SELENOI: variants seen among roughly 807,000 people sequenced by gnomAD.
SELENOI encodes selenoprotein I.
SELENOI carries 24 observed loss-of-function variants against 50.7 expected under a neutral mutation model. The ratio of observed to expected loss-of-function variants is 0.47; its 90% confidence interval spans 0.34 to 0.67. The LOEUF is 0.67. SELENOI is among the 30% of genes least tolerant of loss of function. The pLI, the probability that SELENOI is intolerant of heterozygous loss-of-function variation, is 0.01. For synonymous variants in SELENOI, 155 were observed against 170.2 expected, an observed-to-expected ratio of 0.91 and a Z score of 0.70; for missense variants, 352 against 461.4, an observed-to-expected ratio of 0.76 and a Z score of 2.17.
chr2:26,353,541 T>G (rs1639106166), intron 1 of SELENOI, among the ~76,000 whole-genome samples: 1 of 152,250 alleles, frequency 6.6e-6, no homozygotes, highest in Non-Finnish European at 1.5e-5. Context: ...TATCTTTAAT[T>G]GTACCTTTGT....
intron 1 of SELENOI, 131 bp from the exon 2 acceptor site, chr2:26,364,171 C>A: frequency 1.6e-6 from 1 of 619,720 alleles, no homozygotes; most frequent in Non-Finnish European, 2.8e-6. Flanking sequence ...CAGGCCTCAG[C>A]CTTTTGAGTA....
intron 1 of SELENOI, among the ~76,000 whole-genome samples, chr2:26,362,273 G>C (rs926030113): frequency 1.3e-5 from 2 of 152,140 alleles, no homozygotes; most frequent in Admixed American, 1.3e-4. Flanking sequence ...GTTTCACCGT[G>C]TTAGCCAGGA....
At chr2:26,383,161 A>C in intron 6 of SELENOI, 138 bp from the exon 7 acceptor site, 1 of 534,038 alleles carries the variant, frequency 1.9e-6, no homozygotes, top group Non-Finnish European at 3.3e-6. Context: ...GTTGTTTATA[A>C]ATGTATTTAA....
intron 4 of SELENOI, among the ~76,000 whole-genome samples, chr2:26,370,095 C>CATT (rs1677382160): frequency 1.3e-5 from 2 of 151,234 alleles, no homozygotes; most frequent in African/African-American, 2.5e-5. Flanking sequence ...ATCTGTTTAA[C>CATT]AAAGCACATC....
In SELENOI at chr2:26,394,919, CAA is replaced by C. The variant is rs1052106284; in HGVS notation, c.*5817_*5818del. Reference sequence around the variant, plus strand: ...GTTGGCTTTCTGTAGTGTTCTGAAACAAGAGGACGATTCCATTCCTTCTCAGG... The same window carrying C: ...GTTGGCTTTCTGTAGTGTTCTGAAACGAGGACGATTCCATTCCTTCTCAGG... On this transcript the variant is annotated 3_prime_UTR_variant, in exon 10 of 10. Transcript: ENST00000260585. The surrounding 1 kb of genome is among the most constrained non-coding windows in gnomAD (Gnocchi z 4.1). 3 of 152,160 alleles carry C rather than the reference CAA, an allele frequency of 2.0e-5. No homozygotes were observed. The highest frequency in any genetic ancestry group is 1.5e-5 in the Non-Finnish European group (1 of 68,042). The allele number at this position is 152,160 out of a possible 1,614,324, so 9.4% of individuals were successfully genotyped here. A position where few individuals can be genotyped will look rare whatever the true frequency, so the allele number is the denominator to read the frequency against.
intron 7 of SELENOI, among the ~76,000 whole-genome samples, chr2:26,383,860 C>T (rs1373558620): frequency 6.6e-6 from 1 of 151,732 alleles, no homozygotes; most frequent in African/African-American, 2.4e-5. Context: ...GGCAACAGAG[C>T]GAGACTCTGT....
rs1265214676 is a variant in SELENOI at position 26,389,098 on chromosome 2, C to T, written c.1189C>T (p.Leu397=). ...AGGAATGGAAGAAAAGAATATTGGC[C>T]TGTAATAATCTTTCTTTGGGCACAA... ...ULGMEEKNIG[L] is the part of the protein sequence containing the mutation. Residue 397 remains leucine (L), a synonymous_variant, in exon 10 of 10, where the codon CTG becomes TTG. Coordinates refer to ENST00000260585, the MANE Select transcript of SELENOI (RefSeq NM_033505.4). 2 of 1,563,196 alleles carry T rather than the reference C, an allele frequency of 1.3e-6. No homozygotes were observed. Among genetic ancestry groups the T allele is most frequent in the East Asian group, 2.3e-5 (1 of 43,036 alleles).
In SELENOI at chr2:26,383,404, G is replaced by T. The variant is rs1677750896; in HGVS notation, c.731+57G>T. On this transcript the variant is annotated intron_variant, in intron 7 of 9. Transcript: ENST00000260585. Reference sequence around the variant, plus strand: ...ATATGAAAAGTTTTAGCAGTTGTTAGCTGAACTTAGGGATCTATTTTCCTT... The same window carrying T: ...ATATGAAAAGTTTTAGCAGTTGTTATCTGAACTTAGGGATCTATTTTCCTT... The T allele has an allele frequency of 6.9e-5, 85 of 1,226,330 alleles. 1 individual carries two copies. The South Asian group carries it at 1.1e-3, about 16-fold the overall frequency. The allele number at this position is 1,226,330 out of a possible 1,614,324, so 76.0% of individuals were successfully genotyped here.
intron 6 of SELENOI, among the ~76,000 whole-genome samples, chr2:26,381,196 G>GTTTTTTT (rs1677688899): frequency 5.2e-5 from 2 of 38,248 alleles, no homozygotes; most frequent in African/African-American, 1.8e-4. Context: ...CTTCAGTTTG[G>GTTTTTTT]TCTTTTTTTT....
chr2:26,353,994 G>A (rs1558410903), intron 1 of SELENOI, among the ~76,000 whole-genome samples: 2 of 152,200 alleles, frequency 1.3e-5, no homozygotes, highest in East Asian at 3.8e-4. Context: ...GAAGCACAAG[G>A]AAGTGGCGGG....
intron 3 of SELENOI, among the ~76,000 whole-genome samples, chr2:26,365,922 G>A (rs972271726): frequency 2.7e-5 from 4 of 150,646 alleles, no homozygotes; most frequent in South Asian, 2.1e-4. Flanking sequence ...CTGCCTCAGC[G>A]TCCTGAGTAG....
At chr2:26,352,396 G>A (rs1676977989) in intron 1 of SELENOI, among the ~76,000 whole-genome samples, 1 of 152,080 alleles carries the variant, frequency 6.6e-6, no homozygotes, top group Non-Finnish European at 1.5e-5. Context: ...GAAGGAGTGG[G>A]GATTCTAAAG....
At chr2:26,370,979 T>C in intron 4 of SELENOI, among the ~76,000 whole-genome samples, 2 of 121,830 alleles carry the variant, frequency 1.6e-5, no homozygotes, top group East Asian at 2.8e-4. Flanking sequence ...GGCGGGGGGC[T>C]GACCCCCCCA....
intron 1 of SELENOI, among the ~76,000 whole-genome samples, chr2:26,361,938 G>C (rs778012594): frequency 1.3e-5 from 2 of 152,032 alleles, no homozygotes; most frequent in Non-Finnish European, 2.9e-5. Context: ...AATTATAGGC[G>C]TGAGCCACGC....
In SELENOI at chr2:26,389,798, C is replaced by G. The variant is rs1411936399; in HGVS notation, c.*695C>G. ...TTATCGCTCACCCATTGGGATGGTT[C>G]ATTGTTTAAATATGGCATTTTCCCC... On this transcript the variant is annotated 3_prime_UTR_variant, in exon 10 of 10. Transcript: ENST00000260585. 1 of 152,036 alleles carries G rather than the reference C, an allele frequency of 6.6e-6. No homozygotes were observed. Among genetic ancestry groups the G allele is most frequent in the Non-Finnish European group, 1.5e-5 (1 of 67,986 alleles). The allele number at this position is 152,036 out of a possible 1,614,324, so 9.4% of individuals were successfully genotyped here. A position where few individuals can be genotyped will look rare whatever the true frequency, so the allele number is the denominator to read the frequency against.
intron 6 of SELENOI, among the ~76,000 whole-genome samples, chr2:26,379,112 A>C (rs571167968): frequency 1.7e-4 from 26 of 152,232 alleles, no homozygotes; most frequent in Admixed American, 1.5e-3. Context: ...TAAAAATACA[A>C]AATTAGCCGG....
intron 6 of SELENOI, 96 bp downstream of exon 6, chr2:26,375,244 CAAAA>C: frequency 1.4e-6 from 1 of 714,876 alleles, no homozygotes; most frequent in Non-Finnish European, 2.3e-6. Flanking sequence ...CTTTGCCTCA[CAAAA>C]CCTCCAGGAA....
At position 26,390,220 on chromosome 2, in the gene SELENOI, C is replaced by T. The variant is rs1263001149; in HGVS notation, c.*1117C>T. 6.6e-6 allele frequency: 1 copy of T among 152,170 alleles called. No homozygotes were observed. The highest frequency in any genetic ancestry group is 2.4e-5 in the African/African-American group (1 of 41,280). 9.4% of individuals were successfully genotyped at this position (152,170 alleles called of 1,614,324 possible). A position where few individuals can be genotyped will look rare whatever the true frequency, so the allele number is the denominator to read the frequency against. On this transcript the variant is annotated 3_prime_UTR_variant, in exon 10 of 10. Coordinates refer to ENST00000260585, the MANE Select transcript of SELENOI (RefSeq NM_033505.4). ...TGGAGTAATTTCTGAGGTTTACTGACAAACATAAAAATCCCTTTAATTGTA... is the reference window on the plus strand; with the variant it reads ...TGGAGTAATTTCTGAGGTTTACTGATAAACATAAAAATCCCTTTAATTGTA...
intron 4 of SELENOI, 125 bp downstream of exon 4, chr2:26,367,345 C>A: frequency 1.5e-6 from 1 of 656,750 alleles, no homozygotes; most frequent in Non-Finnish European, 2.3e-6. Context: ...GTATCCTGTT[C>A]AAATTGATAA....
Sources: gnomAD v4.1 joint callset for allele counts (sites outside exome capture counted in the v4.1 genomes callset) on GRCh38, gnomAD v4.1.1 for gene constraint, Gnocchi (gnomAD v3.1) non-coding constraint, MANE v1.5 for transcripts, NCBI Gene and HGNC (gene_info 2026-07-23, HGNC 2026-07-21) for gene names.